MECOM: variants seen among roughly 807,000 people sequenced by gnomAD.
MECOM encodes MDS1 and EVI1 complex locus.
Under a neutral mutation model 116.3 loss-of-function variants are expected in MECOM, and 13 were observed. That is an observed-to-expected ratio of 0.11 (90% CI 0.07 to 0.18). MECOM has a LOEUF of 0.18. Ranked by LOEUF, MECOM falls within the 10% of genes least tolerant of loss-of-function variation. The pLI, the probability that MECOM is intolerant of heterozygous loss-of-function variation, is 1.00. For missense variants in MECOM, 1,299 were observed against 1,509.0 expected, an observed-to-expected ratio of 0.86 and a Z score of 2.31; for synonymous variants, 528 against 535.2, an observed-to-expected ratio of 0.99 and a Z score of 0.19.
chr3:169,327,153 G>C (rs560427690), intron 2 of MECOM, among the ~76,000 whole-genome samples: 1 of 152,116 alleles, frequency 6.6e-6, no homozygotes, highest in Non-Finnish European at 1.5e-5. Flanking sequence ...ATAGACATCA[G>C]CTCATCTGAA....
At chr3:169,502,736 T>G (rs1754684781) in intron 1 of MECOM, among the ~76,000 whole-genome samples, 1 of 152,142 alleles carries the variant, frequency 6.6e-6, no homozygotes, top group Admixed American at 6.5e-5. Context: ...ATAGGAGTAA[T>G]TTGTCCTCAG....
At chr3:169,618,707 A>T (rs1770321968) in intron 1 of MECOM, among the ~76,000 whole-genome samples, 2 of 152,200 alleles carry the variant, frequency 1.3e-5, no homozygotes, top group Admixed American at 1.3e-4. Flanking sequence ...GTCATTAAAC[A>T]ACAACCGATA....
chr3:169,348,654 T>C (rs965342092), intron 2 of MECOM, among the ~76,000 whole-genome samples: 2 of 152,040 alleles, frequency 1.3e-5, no homozygotes, highest in African/African-American at 4.8e-5. Flanking sequence ...TATGTAGACT[T>C]CCTTGCCAGA....
intron 2 of MECOM, among the ~76,000 whole-genome samples, chr3:169,201,654 A>G (rs1368635206): frequency 1.3e-5 from 2 of 152,130 alleles, no homozygotes; most frequent in East Asian, 1.9e-4. Context: ...CATTCAATAT[A>G]TAAATCATGT....
intron 2 of MECOM, chr3:169,146,364 T>C (rs1252274612): frequency 1.5e-6 from 2 of 1,365,958 alleles, no homozygotes; most frequent in Non-Finnish European, 1.9e-6. Flanking sequence ...ATTCAGATTT[T>C]GGCAACCGCA....
At chr3:169,311,937 G>A (rs908079670) in intron 2 of MECOM, among the ~76,000 whole-genome samples, 1 of 152,128 alleles carries the variant, frequency 6.6e-6, no homozygotes, top group Non-Finnish European at 1.5e-5. Flanking sequence ...CTAGATGTAG[G>A]GACTATTTGG....
chr3:169,618,764 G>A (rs1041686402), intron 1 of MECOM, among the ~76,000 whole-genome samples: 4 of 152,134 alleles, frequency 2.6e-5, no homozygotes, highest in African/African-American at 9.7e-5. Context: ...GAATAATTCT[G>A]GTTTAGTAAT....
At chr3:169,318,110 A>C (rs925402148) in intron 2 of MECOM, among the ~76,000 whole-genome samples, 1 of 152,200 alleles carries the variant, frequency 6.6e-6, no homozygotes, top group Admixed American at 6.5e-5. Context: ...CACCTTACAC[A>C]AAGATTAACT....
intron 2 of MECOM, among the ~76,000 whole-genome samples, chr3:169,297,589 A>G (rs1265064044): frequency 6.6e-6 from 1 of 152,172 alleles, no homozygotes; most frequent in Non-Finnish European, 1.5e-5. Context: ...CACACAGTTC[A>G]GCTTGAGGTA....
chr3:169,091,375 T>C (rs1719663172), intron 14 of MECOM, among the ~76,000 whole-genome samples: 1 of 152,108 alleles, frequency 6.6e-6, no homozygotes, highest in African/African-American at 2.4e-5. Flanking sequence ...TGACTCAACC[T>C]TCTTATTTCT....
chr3:169,279,791 C>T (rs1037415279), intron 2 of MECOM, among the ~76,000 whole-genome samples: 3 of 152,110 alleles, frequency 2.0e-5, no homozygotes, highest in African/African-American at 7.2e-5. Context: ...GTTTTGTTTT[C>T]TTTTTTTAAC....
At chr3:169,455,395 T>C (rs1021889389) in intron 1 of MECOM, among the ~76,000 whole-genome samples, 9 of 152,194 alleles carry the variant, frequency 5.9e-5, no homozygotes, top group African/African-American at 2.2e-4. Flanking sequence ...AAAAGTGTAG[T>C]AGTCTCTAAT....
At chr3:169,448,216 A>T (rs374852758) in intron 1 of MECOM, among the ~76,000 whole-genome samples, 77 of 152,194 alleles carry the variant, frequency 5.1e-4, no homozygotes, top group African/African-American at 1.7e-3. Flanking sequence ...TAATATACTG[A>T]GCAACTAGCC....
chr3:169,305,413 G>A (rs2149719745), intron 2 of MECOM, among the ~76,000 whole-genome samples: 1 of 152,154 alleles, frequency 6.6e-6, no homozygotes, highest in Admixed American at 6.5e-5. Context: ...AATTGTGGGG[G>A]CTGGAAAAAA....
chr3:169,540,383 A>G (rs1018112112), intron 1 of MECOM, among the ~76,000 whole-genome samples: 10 of 152,052 alleles, frequency 6.6e-5, no homozygotes, highest in African/African-American at 2.4e-4. Context: ...TTTTGTTCAG[A>G]CATGTGTTAT....
chr3:169,246,477 T>G (rs1217030936), intron 2 of MECOM, among the ~76,000 whole-genome samples: 1 of 151,168 alleles, frequency 6.6e-6, no homozygotes, highest in Non-Finnish European at 1.5e-5. Flanking sequence ...CATATCTTGA[T>G]AAAAGTTAAT....
rs1261787787 is a variant in MECOM, at chr3:169,611,512, G to C, written c.37+51824C>G. 6.6e-6 allele frequency among the ~76,000 whole-genome samples: 1 copy of C among 152,188 alleles called. No homozygotes were observed. The highest frequency in any genetic ancestry group is 1.5e-5 in the Non-Finnish European group (1 of 68,028). On this transcript the variant is annotated intron_variant, in intron 1 of 16. Transcript: ENST00000651503. This position sits in a 1 kb window ranked among gnomAD's most constrained non-coding sequence, Gnocchi z 4.1. ...GCAAGTCAGGCAGTTGTGAGGAGTGGAAGTGTTTCATAAGCTTCAGTTTTT... is the reference window on the plus strand; with the variant it reads ...GCAAGTCAGGCAGTTGTGAGGAGTGCAAGTGTTTCATAAGCTTCAGTTTTT...
At chr3:169,455,863 T>C (rs1417732299) in intron 1 of MECOM, among the ~76,000 whole-genome samples, 4 of 152,162 alleles carry the variant, frequency 2.6e-5, no homozygotes, top group Admixed American at 6.5e-5. Context: ...GTTGCTCTTA[T>C]TGGTTTGACG....
At chr3:169,323,419 G>C (rs150129780) in intron 2 of MECOM, among the ~76,000 whole-genome samples, 48 of 152,244 alleles carry the variant, frequency 3.2e-4, no homozygotes, top group Non-Finnish European at 5.0e-4. Context: ...ACAGCCACTG[G>C]GTCTGTCTTC....
Sources: gnomAD v4.1 joint callset for allele counts (sites outside exome capture counted in the v4.1 genomes callset) on GRCh38, gnomAD v4.1.1 for gene constraint, Gnocchi (gnomAD v3.1) non-coding constraint, MANE v1.5 for transcripts, NCBI Gene and HGNC (gene_info 2026-07-23, HGNC 2026-07-21) for gene names.